The following SLC25A24 variants were observed in gnomAD, a reference collection of about 807,000 sequenced individuals.
The protein encoded by SLC25A24 is mitochondrial adenyl nucleotide antiporter SLC25A24.
Under a neutral mutation model 60.7 loss-of-function variants are expected in SLC25A24, and 49 were observed. That is an observed-to-expected ratio of 0.81 (90% CI 0.64 to 1.02). SLC25A24 has a LOEUF of 1.02. Ranked by LOEUF, SLC25A24 falls within the 50% of genes least tolerant of loss-of-function variation. The pLI, the probability that SLC25A24 is intolerant of heterozygous loss-of-function variation, is 0.00. For missense variants in SLC25A24, 564 were observed against 586.3 expected (o/e 0.96, Z 0.39); for synonymous variants, 202 against 200.6 (o/e 1.01, Z -0.06).
At chr1:108,185,127 AG>A (rs1648071363) in intron 2 of SLC25A24, among the ~76,000 whole-genome samples, 1 of 152,188 alleles carries the variant, frequency 6.6e-6, no homozygotes, top group African/African-American at 2.4e-5. Flanking sequence ...GTTATGACAT[AG>A]TAAGAGGCCC....
At chr1:108,187,949 T>C (rs1648203551) in intron 1 of SLC25A24, among the ~76,000 whole-genome samples, 1 of 146,074 alleles carries the variant, frequency 6.8e-6, no homozygotes. Context: ...TATATATTCA[T>C]GCACTGTATA....
intron 4 of SLC25A24, among the ~76,000 whole-genome samples, chr1:108,159,310 T>C (rs913789520): frequency 6.6e-5 from 10 of 152,144 alleles, no homozygotes; most frequent in Admixed American, 1.3e-4. Context: ...CTGAGATTAT[T>C]TGGACAATAT....
Position 108,136,712 on chromosome 1 carries a change from C to G in SLC25A24, c.1375G>C (p.Gly459Arg). 1 of 1,614,108 alleles carries G rather than the reference C, an allele frequency of 6.2e-7. No homozygotes were observed. ...PNFMKVLPAV[G>R]ISYVVYENMK... ...TTTTCATAAACCACATAACTGATGC[C>G]TACAGCAGGGAGCACCTTCATGAAG... is the stretch of plus-strand genomic sequence containing the variant. Residue 459 changes from glycine (G) to arginine (R), a missense_variant, in exon 10 of 10, where the codon GGC becomes CGC. Physicochemically the swap from Gly to Arg is moderately radical, Grantham distance 125. Coordinates refer to ENST00000565488, the MANE Select transcript of SLC25A24 (RefSeq NM_013386.5).
At chr1:108,167,813 T>C (rs1348974729) in intron 3 of SLC25A24, among the ~76,000 whole-genome samples, 1 of 152,250 alleles carries the variant, frequency 6.6e-6, no homozygotes, top group Admixed American at 6.5e-5. Flanking sequence ...TCTTCGCCTT[T>C]GAGTCTTAAG....
intron 6 of SLC25A24, among the ~76,000 whole-genome samples, chr1:108,153,043 G>C (rs1679798539): frequency 6.6e-6 from 1 of 152,104 alleles, no homozygotes; most frequent in South Asian, 2.1e-4. Context: ...GGCACTCCTG[G>C]GTCATGCAAG....
At chr1:108,137,519 T>C (rs886419206) in intron 9 of SLC25A24, among the ~76,000 whole-genome samples, 1 of 152,214 alleles carries the variant, frequency 6.6e-6, no homozygotes, top group African/African-American at 2.4e-5. Context: ...AAAGTGGGGC[T>C]AGATTATTAA....
rs1169446166 is a variant in SLC25A24 at position 108,155,094 on chromosome 1, G to C, written c.711C>G (p.Gly237=). The C allele has an allele frequency of 6.2e-7, 1 of 1,612,458 alleles. No homozygotes were observed. The highest frequency in any genetic ancestry group is 1.1e-5 in the South Asian group (1 of 90,856). ...CTCCTTCTTTTACCATCTGTCGAAA[G>C]CCACCAAATATGTTCATTTTGTCTG... ...SKSDKMNIFG[G]FRQMVKEGGI... is the part of the protein sequence containing the mutation. Residue 237 remains glycine (G), a synonymous_variant, in exon 6 of 10, where the codon GGC becomes GGG. Coordinates refer to ENST00000565488, the MANE Select transcript of SLC25A24 (RefSeq NM_013386.5).
intron 4 of SLC25A24, among the ~76,000 whole-genome samples, chr1:108,159,689 A>G (rs1680003090): frequency 6.6e-6 from 1 of 151,892 alleles, no homozygotes; most frequent in African/African-American, 2.4e-5. Flanking sequence ...GCTGCCTTCA[A>G]GCATCTGTTT....
chr1:108,183,251 G>C (rs1394576616), intron 2 of SLC25A24, among the ~76,000 whole-genome samples: 1 of 152,204 alleles, frequency 6.6e-6, no homozygotes, highest in Non-Finnish European at 1.5e-5. Context: ...CCTGGGGAGA[G>C]GGAAGGAGCA....
In SLC25A24 at chr1:108,178,056, G is replaced by A. The variant is rs376678793; in HGVS notation, c.398+3885C>T. 7.2e-5 allele frequency among the ~76,000 whole-genome samples: 11 copies of A among 152,180 alleles called. No individual in the cohort carries two copies. In the South Asian group the frequency reaches 8.3e-4, roughly 11 times the overall value. On this transcript the variant is annotated intron_variant, in intron 3 of 9. Coordinates refer to ENST00000565488, the MANE Select transcript of SLC25A24 (RefSeq NM_013386.5). ...CATGCGCCTGTAGTCCCAGCGACTC[G>A]GGAGGCTGAGGCAGGAGAATCGCTT...
At chr1:108,158,667 T>G (rs184899629) in intron 4 of SLC25A24, among the ~76,000 whole-genome samples, 30 of 150,254 alleles carry the variant, frequency 2.0e-4, no homozygotes, top group African/African-American at 7.1e-4. Flanking sequence ...ATATTTAATT[T>G]AGTCAAATCT....
At chr1:108,168,660 T>G (rs1332756165) in intron 3 of SLC25A24, among the ~76,000 whole-genome samples, 1 of 152,238 alleles carries the variant, frequency 6.6e-6, no homozygotes, top group Non-Finnish European at 1.5e-5. Context: ...ACGTGAAATA[T>G]GCTGTTCATG....
At chr1:108,166,662 T>G (rs1387800915) in intron 3 of SLC25A24, among the ~76,000 whole-genome samples, 1 of 151,992 alleles carries the variant, frequency 6.6e-6, no homozygotes, top group Non-Finnish European at 1.5e-5. Context: ...TTTAAGCACT[T>G]CTCTGTATTG....
Position 108,136,584 on chromosome 1 carries a change from C to T in SLC25A24, c.*69G>A, listed in dbSNP as rs572466613. Reference sequence around the variant, plus strand: ...CTTTTGCCATAGACTTGTTTCAATTCGAGGAGAAAAAGTCACTCCAGAGAT... The same window carrying T: ...CTTTTGCCATAGACTTGTTTCAATTTGAGGAGAAAAAGTCACTCCAGAGAT... On this transcript the variant is annotated 3_prime_UTR_variant, in exon 10 of 10. Coordinates refer to ENST00000565488, the MANE Select transcript of SLC25A24 (RefSeq NM_013386.5). 2.7e-5 allele frequency: 36 copies of T among 1,341,840 alleles called. No individual in the cohort carries two copies. The highest frequency in any genetic ancestry group is 1.9e-4 in the Middle Eastern group (1 of 5,294). 83.1% of individuals were successfully genotyped at this position (1,341,840 alleles called of 1,614,324 possible). A position where few individuals can be genotyped will look rare whatever the true frequency, so the allele number is the denominator to read the frequency against.
chr1:108,191,961 C>G (rs763082065), intron 1 of SLC25A24, among the ~76,000 whole-genome samples: 1 of 138,830 alleles, frequency 7.2e-6, no homozygotes. Context: ...AGCCTAAGCT[C>G]GGTACTGATA....
At chr1:108,167,535 G>A (rs1444313889) in intron 3 of SLC25A24, among the ~76,000 whole-genome samples, 1 of 151,706 alleles carries the variant, frequency 6.6e-6, no homozygotes, top group African/African-American at 2.4e-5. Context: ...CAGTATTCAG[G>A]TGGGAGTGAC....
intron 4 of SLC25A24, among the ~76,000 whole-genome samples, chr1:108,160,256 C>T (rs1410045684): frequency 2.1e-5 from 3 of 144,346 alleles, no homozygotes; most frequent in Admixed American, 1.4e-4. Context: ...GGGGCAGAGG[C>T]GCTCCCCACA....
At chr1:108,163,565 C>T (rs1441550028) in intron 3 of SLC25A24, among the ~76,000 whole-genome samples, 26 of 152,132 alleles carry the variant, frequency 1.7e-4, no homozygotes, top group Middle Eastern at 3.4e-3. Context: ...CAATTGTGAA[C>T]GGGAGTTCAC....
chr1:108,172,909 T>C, intron 3 of SLC25A24, among the ~76,000 whole-genome samples: 1 of 151,886 alleles, frequency 6.6e-6, no homozygotes, highest in East Asian at 1.9e-4. Context: ...GTATAAACAC[T>C]AGTAATAATA....
Sources: gnomAD v4.1 joint callset for allele counts (sites outside exome capture counted in the v4.1 genomes callset) on GRCh38, gnomAD v4.1.1 for gene constraint, MANE v1.5 for transcripts, NCBI Gene and HGNC (gene_info 2026-07-23, HGNC 2026-07-21) for gene names.